Variants in S100A13 observed in about 807,000 individuals in gnomAD.
The protein encoded by S100A13 is protein S100-A13.
A neutral mutation model predicts 8.2 loss-of-function variants in S100A13; 6 were observed. The observed-to-expected ratio is 0.73, with a 90% confidence interval of 0.40 to 1.44. The LOEUF is 1.44. Ranked by LOEUF, S100A13 falls within the 40% of genes most tolerant of loss-of-function variation. The probability of loss-of-function intolerance (pLI) is 0.02; values close to 1 mark genes in which losing one functional copy is unlikely to be tolerated. For synonymous variants in S100A13, 39 were observed against 45.9 expected (o/e 0.85, Z 0.61); for missense variants, 114 against 113.6 (o/e 1.00, Z -0.02).
chr1:153,627,723 G>A (rs187736185), upstream of S100A13: 64 of 228,754 alleles, frequency 2.8e-4, no homozygotes, highest in South Asian at 4.5e-3. Flanking sequence ...GACAGATCTC[G>A]TTCGGCAGGG....
upstream of S100A13, chr1:153,630,497 G>C: frequency 6.2e-7 from 1 of 1,612,932 alleles, no homozygotes; most frequent in Non-Finnish European, 8.5e-7. Context: ...CTTCCATGAT[G>C]GGGGTGGGTA....
At chr1:153,633,614 C>A (rs891370719), upstream of S100A13, among the ~76,000 whole-genome samples, 1 of 152,164 alleles carries the variant, frequency 6.6e-6, no homozygotes, top group Non-Finnish European at 1.5e-5. Context: ...TGGGCCTTGG[C>A]TGGAGCATTT....
upstream of S100A13, chr1:153,627,966 G>T (rs1557928531): frequency 1.4e-6 from 2 of 1,458,778 alleles, no homozygotes; most frequent in Non-Finnish European, 9.2e-7. Flanking sequence ...CACAGAGGGG[G>T]ATCCAGGTTG....
intron 2 of S100A13, among the ~76,000 whole-genome samples, chr1:153,624,325 T>C (rs1350575475): frequency 6.6e-6 from 1 of 152,116 alleles, no homozygotes; most frequent in Non-Finnish European, 1.5e-5. Context: ...TCTGTGCGGA[T>C]GCTGAAGCCA....
At chr1:153,626,273 C>G (rs774324726) in intron 2 of S100A13, 47 bp downstream of exon 2, 1 of 1,575,266 alleles carries the variant, frequency 6.3e-7, no homozygotes, top group Non-Finnish European at 8.7e-7. Flanking sequence ...AACACAGTGT[C>G]CCATAATCAT....
intron 2 of S100A13, among the ~76,000 whole-genome samples, chr1:153,620,384 G>T (rs930076960): frequency 5.3e-5 from 8 of 151,366 alleles, no homozygotes; most frequent in African/African-American, 1.9e-4. Context: ...TCGCTTGAGT[G>T]TGGGAGGCAG....
At chr1:153,630,455 C>T, upstream of S100A13, 3 of 1,593,070 alleles carry the variant, frequency 1.9e-6, no homozygotes, top group South Asian at 2.3e-5. Flanking sequence ...CTCACCTAGA[C>T]CCCAGGTACT....
At chr1:153,620,017 T>A (rs914374718) in intron 2 of S100A13, among the ~76,000 whole-genome samples, 1 of 152,202 alleles carries the variant, frequency 6.6e-6, no homozygotes, top group African/African-American at 2.4e-5. Flanking sequence ...AAGGGTGCGG[T>A]GGCTCACGCC....
At chr1:153,631,423 C>T (rs1668001377), upstream of S100A13, 5 of 1,499,232 alleles carry the variant, frequency 3.3e-6, no homozygotes, top group Admixed American at 1.0e-4. Context: ...TTAAATTAGA[C>T]AGTGCTTGTA....
chr1:153,630,747 A>C (rs547601812), upstream of S100A13: 13 of 1,525,474 alleles, frequency 8.5e-6, no homozygotes, highest in African/African-American at 1.8e-4. Flanking sequence ...TCCCCACCCC[A>C]CCTCCAGCTC....
At chr1:153,625,907 C>G (rs934630578) in intron 2 of S100A13, among the ~76,000 whole-genome samples, 1 of 152,240 alleles carries the variant, frequency 6.6e-6, no homozygotes, top group African/African-American at 2.4e-5. Context: ...GTGGCTTGCG[C>G]CTGTAACCAC....
At chr1:153,620,457 T>TAAAA (rs753773428) in intron 2 of S100A13, among the ~76,000 whole-genome samples, 63 of 88,014 alleles carry the variant, frequency 7.2e-4, no homozygotes, top group African/African-American at 2.6e-3. Context: ...TGAGACTATC[T>TAAAA]AAAAAAAAAA....
intron 2 of S100A13, among the ~76,000 whole-genome samples, chr1:153,625,372 A>C (rs1667548918): frequency 6.6e-6 from 1 of 152,226 alleles, no homozygotes; most frequent in African/African-American, 2.4e-5. Context: ...TGTAAAACAA[A>C]CTGTCAACAG....
upstream of S100A13, chr1:153,628,704 G>A: frequency 1.2e-6 from 1 of 868,964 alleles, no homozygotes. Flanking sequence ...AGGTCGGAGA[G>A]AGAGCTGGCA....
chr1:153,628,354 C>G (rs1010313306), upstream of S100A13: 2 of 1,537,574 alleles, frequency 1.3e-6, no homozygotes, highest in East Asian at 4.9e-5. Context: ...ACAGGGTGTT[C>G]GTCTGTGAAG....
rs1377555880 is a variant in S100A13 at position 153,619,030 on chromosome 1, G to C, written c.162C>G (p.Gly54=). The C allele has an allele frequency of 5.6e-6, 9 of 1,613,582 alleles. No individual in the cohort carries two copies. Among genetic ancestry groups the C allele is most frequent in the Non-Finnish European group, 7.6e-6 (9 of 1,179,734 alleles). ...QQLPHLLKDV[G]SLDEKMKSLD... Reference sequence around the variant, plus strand: ...AGCTCTTCATCTTCTCATCAAGAGAGCCCACATCCTGAGGAGACACCAAAG... The same window carrying C: ...AGCTCTTCATCTTCTCATCAAGAGACCCCACATCCTGAGGAGACACCAAAG... Residue 54 remains glycine (G), a synonymous_variant, in exon 3 of 3, where the codon GGC becomes GGG. Transcript: ENST00000476133.
chr1:153,623,425 G>A (rs1205796461), intron 2 of S100A13, among the ~76,000 whole-genome samples: 3 of 148,348 alleles, frequency 2.0e-5, no homozygotes, highest in African/African-American at 7.5e-5. Flanking sequence ...TCCCTCTGTT[G>A]CCCAGGCTGG....
At chr1:153,633,545 G>A (rs1557934292), upstream of S100A13, among the ~76,000 whole-genome samples, 1 of 152,148 alleles carries the variant, frequency 6.6e-6, no homozygotes, top group Admixed American at 6.5e-5. Context: ...AAACATGGAC[G>A]GGCGGTGGTG....
At chr1:153,623,243 G>A (rs1667385836) in intron 2 of S100A13, among the ~76,000 whole-genome samples, 1 of 152,228 alleles carries the variant, frequency 6.6e-6, no homozygotes, top group Non-Finnish European at 1.5e-5. Flanking sequence ...AGACTGGAGT[G>A]CAGTGGGTGA....
Sources: gnomAD v4.1 joint callset for allele counts (sites outside exome capture counted in the v4.1 genomes callset) on GRCh38, gnomAD v4.1.1 for gene constraint, MANE v1.5 for transcripts, NCBI Gene and HGNC (gene_info 2026-07-23, HGNC 2026-07-21) for gene names.